FGF12: variants seen among roughly 807,000 people sequenced by gnomAD.
FGF12 encodes the protein fibroblast growth factor 12.
In FGF12, 14 loss-of-function variants were observed where a neutral mutation model predicts 23.6. The ratio of observed to expected loss-of-function variants is 0.59; its 90% CI spans 0.39 to 0.93. FGF12 has a LOEUF of 0.93. FGF12 is among the 40% of genes least tolerant of loss of function. The pLI is 0.00. For synonymous variants in FGF12, 62 were observed against 77.3 expected, an observed-to-expected ratio of 0.80 and a Z score of 1.04; for missense variants, 175 against 217.8, an observed-to-expected ratio of 0.80 and a Z score of 1.24.
intron 2 of FGF12, among the ~76,000 whole-genome samples, chr3:192,496,457 C>T (rs1723960654): frequency 6.6e-6 from 1 of 152,032 alleles, no homozygotes; most frequent in South Asian, 2.1e-4. Context: ...CCGTCTTTTT[C>T]CTGCAACATC....
intron 2 of FGF12, among the ~76,000 whole-genome samples, chr3:192,610,533 T>C (rs1358152079): frequency 1.3e-5 from 2 of 152,158 alleles, no homozygotes; most frequent in East Asian, 3.9e-4. Context: ...ATCCGGATTA[T>C]TGCAATTGCT....
At chr3:192,150,591 G>A (rs919062439) in intron 5 of FGF12, among the ~76,000 whole-genome samples, 15 of 144,444 alleles carry the variant, frequency 1.0e-4, no homozygotes, top group African/African-American at 3.9e-4. Flanking sequence ...CCCATTGCTT[G>A]GTTTTCTCAG....
chr3:192,402,418 C>A (rs1041750255), intron 2 of FGF12, among the ~76,000 whole-genome samples: 1 of 152,242 alleles, frequency 6.6e-6, no homozygotes, highest in East Asian at 1.9e-4. Context: ...CTTTCCACTT[C>A]TCTCCTCCAC....
intron 4 of FGF12, among the ~76,000 whole-genome samples, chr3:192,295,030 A>T (rs1714954873): frequency 6.6e-6 from 1 of 152,214 alleles, no homozygotes; most frequent in African/African-American, 2.4e-5. Context: ...AGATGTAAAC[A>T]TATTGTTTCT....
intron 2 of FGF12, among the ~76,000 whole-genome samples, chr3:192,717,357 T>C (rs911513467): frequency 3.3e-5 from 5 of 152,164 alleles, no homozygotes; most frequent in Admixed American, 2.0e-4. Flanking sequence ...GCCTGCCTCA[T>C]TGGGTTTTTA....
rs1718447980 is a variant in FGF12, at chr3:192,355,798, C to T, written c.124+4630G>A. ...AAAGCTGTGTTTGGTAAAGAAGCAG[C>T]AGCCACCCACATAATCTAGGACAGA... On this transcript the variant is annotated intron_variant, in intron 3 of 5. Transcript: ENST00000445105. Among the ~76,000 whole-genome samples, 3 of 152,192 alleles carry T rather than the reference C, an allele frequency of 2.0e-5. No homozygotes were observed. The South Asian group carries it at 6.2e-4, about 32-fold the overall frequency.
intron 2 of FGF12, among the ~76,000 whole-genome samples, chr3:192,630,959 A>C (rs1006189231): frequency 1.3e-5 from 2 of 151,964 alleles, no homozygotes; most frequent in Admixed American, 6.6e-5. Context: ...TATGTTTCAC[A>C]TCTGCAGGCA....
chr3:192,712,502 GA>G lies in FGF12; in HGVS notation c.13+14678del, dbSNP rs199620702. 1.9e-4 allele frequency among the ~76,000 whole-genome samples: 29 copies of G among 149,224 alleles called. No homozygotes were observed. The South Asian group carries it at 4.2e-3, about 22-fold the overall frequency. On this transcript the variant is annotated intron_variant, in intron 2 of 5. Coordinates refer to ENST00000445105, the MANE Select transcript of FGF12 (RefSeq NM_004113.6). ...AGAATAGACACTAAAAGTTTTCAGA[GA>G]AAAAAAAATCAAGCATGTACAAAAA...
intron 2 of FGF12, among the ~76,000 whole-genome samples, chr3:192,435,263 G>C (rs1721981360): frequency 2.6e-5 from 4 of 151,948 alleles, no homozygotes; most frequent in Admixed American, 6.6e-5. Context: ...TGCAACACTA[G>C]TTTTTTTTAA....
In FGF12 at chr3:192,178,131, T is replaced by C. The variant is rs187342949; in HGVS notation, c.229-7475A>G. ...AAATGGGAAAGGCCTCTTTCTTTCT[T>C]AGGCTCTCAGTTTCTCTAAATGTAA... On this transcript the variant is annotated intron_variant, in intron 4 of 5. Transcript: ENST00000445105. Among the ~76,000 whole-genome samples, 5 of 152,308 alleles carry C rather than the reference T, an allele frequency of 3.3e-5. No individual in the cohort carries two copies. The East Asian group carries it at 9.6e-4, about 29-fold the overall frequency.
chr3:192,331,761 G>A lies in FGF12; in HGVS notation c.228+3600C>T, dbSNP rs139068419. ...TTAGTTTTCCAGGATGGAATAAAGG[G>A]TCTGTAGAGATTACCTACAAGGGAA... On this transcript the variant is annotated intron_variant, in intron 4 of 5. Transcript: ENST00000445105. 2.0e-3 allele frequency among the ~76,000 whole-genome samples: 308 copies of A among 152,144 alleles called. 2 individuals are homozygous for A. The highest frequency in any genetic ancestry group is 6.9e-3 in the African/African-American group (286 of 41,538).
chr3:192,444,485 C>T (rs1433818096), intron 2 of FGF12, among the ~76,000 whole-genome samples: 1 of 152,106 alleles, frequency 6.6e-6, no homozygotes. Context: ...CCTAACATTG[C>T]TTCTGGAACA....
chr3:192,212,732 C>T (rs896646708), intron 4 of FGF12, among the ~76,000 whole-genome samples: 2 of 150,502 alleles, frequency 1.3e-5, no homozygotes, highest in African/African-American at 4.9e-5. Context: ...TTTGTGGCAT[C>T]CTGGAGACTG....
chr3:192,677,562 CAGAA>C (rs1553846446), intron 2 of FGF12, among the ~76,000 whole-genome samples: 1 of 152,098 alleles, frequency 6.6e-6, no homozygotes, highest in Non-Finnish European at 1.5e-5. Flanking sequence ...CTTCTTCTAA[CAGAA>C]AGATACAAAA....
intron 4 of FGF12, among the ~76,000 whole-genome samples, chr3:192,182,739 A>T (rs918425263): frequency 6.6e-6 from 1 of 152,172 alleles, no homozygotes; most frequent in Non-Finnish European, 1.5e-5. Flanking sequence ...CATGACTCAG[A>T]TCAATCCCAA....
chr3:192,318,600 A>G (rs1416316428), intron 4 of FGF12, among the ~76,000 whole-genome samples: 1 of 152,132 alleles, frequency 6.6e-6, no homozygotes, highest in Non-Finnish European at 1.5e-5. Flanking sequence ...AAATAACATC[A>G]AAAGTACAAA....
chr3:192,587,687 G>A (rs1713428230), intron 2 of FGF12, among the ~76,000 whole-genome samples: 1 of 151,720 alleles, frequency 6.6e-6, no homozygotes, highest in African/African-American at 2.4e-5. Context: ...CAGATGTGGT[G>A]GCACACAGCT....
intron 2 of FGF12, among the ~76,000 whole-genome samples, chr3:192,506,009 C>T (rs1234718930): frequency 3.3e-5 from 5 of 152,172 alleles, no homozygotes; most frequent in Admixed American, 1.3e-4. Context: ...TAACATATGA[C>T]CTATGTTCAC....
At chr3:192,703,293 A>C (rs1341728962) in intron 2 of FGF12, among the ~76,000 whole-genome samples, 1 of 152,244 alleles carries the variant, frequency 6.6e-6, no homozygotes, top group Non-Finnish European at 1.5e-5. Flanking sequence ...ATGATACTAC[A>C]GTCTATTAAG....
Sources: gnomAD v4.1 joint callset for allele counts (sites outside exome capture counted in the v4.1 genomes callset) on GRCh38, gnomAD v4.1.1 for gene constraint, MANE v1.5 for transcripts, NCBI Gene and HGNC (gene_info 2026-07-23, HGNC 2026-07-21) for gene names.